The following RYR1 variants were observed in gnomAD, a reference collection of about 807,000 sequenced individuals.
The protein encoded by RYR1 is central core disease of muscle.
A neutral mutation model predicts 583.5 loss-of-function variants in RYR1; 342 were observed. The observed-to-expected ratio is 0.59, with a 90% confidence interval of 0.54 to 0.64. RYR1 has a LOEUF of 0.64. Ranked by LOEUF, RYR1 falls within the 30% of genes least tolerant of loss-of-function variation. The pLI, the probability that RYR1 is intolerant of heterozygous loss-of-function variation, is 0.00. For synonymous variants in RYR1, 2,791 were observed against 2,822.5 expected (o/e 0.99, Z 0.35); for missense variants, 6,032 against 6,917.2 (o/e 0.87, Z 4.54).
chr19:38,456,843 G>C (rs991742205), intron 16 of RYR1, among the ~76,000 whole-genome samples: 25 of 150,932 alleles, frequency 1.7e-4, no homozygotes, highest in Admixed American at 3.3e-4. Flanking sequence ...TCAGGAGATC[G>C]AGACCATCCT....
intron 58 of RYR1, 32 bp from the exon 59 acceptor site, chr19:38,510,466 C>T: frequency 6.2e-7 from 1 of 1,613,368 alleles, no homozygotes; most frequent in Non-Finnish European, 8.5e-7. Context: ...CAGCCTTGAA[C>T]CCACTGTGAA....
At chr19:38,437,137 G>A (rs1055446669) in intron 1 of RYR1, among the ~76,000 whole-genome samples, 1 of 151,030 alleles carries the variant, frequency 6.6e-6, no homozygotes, top group Non-Finnish European at 1.5e-5. Context: ...TGCAACCTCC[G>A]CCTCCTGGGT....
rs193922844 is a variant in RYR1 at position 38,548,287 on chromosome 19, C to A, written c.12149C>A (p.Ser4050Tyr). The change falls in exon 89 of 106, where the codon TCC becomes TAC. Residue 4050 changes from serine (S) to tyrosine (Y), a missense_variant. Ser to Tyr is a moderately radical substitution (Grantham distance 144). Coordinates refer to ENST00000359596, the MANE Select transcript of RYR1 (RefSeq NM_000540.3). ...ARQMVDMLVE[S>Y]SSNVEMILKF... is the part of the protein sequence containing the mutation. ...CAGATGGTGGACATGCTCGTGGAAT[C>A]CTCATCCAATGTGGAGATGATCCTC... is the stretch of plus-strand genomic sequence containing the variant. The A allele has an allele frequency of 5.0e-6, 8 of 1,614,206 alleles. No individual in the cohort carries two copies. Among genetic ancestry groups the A allele is most frequent in the Non-Finnish European group, 6.8e-6 (8 of 1,180,044 alleles).
intron 76 of RYR1, among the ~76,000 whole-genome samples, chr19:38,530,263 A>AT (rs921894289): frequency 1.3e-5 from 2 of 149,826 alleles, no homozygotes; most frequent in Admixed American, 6.7e-5. Flanking sequence ...CTACTTTTTT[A>AT]TTTTTTGAGA....
chr19:38,440,902 G>C (rs376787989), intron 2 of RYR1, 38 bp downstream of exon 2: 2 of 1,595,478 alleles, frequency 1.3e-6, no homozygotes, highest in Non-Finnish European at 1.7e-6. Flanking sequence ...GGACAGGGGC[G>C]TCTGAAGGGG....
intron 30 of RYR1, 127 bp from the exon 31 acceptor site, chr19:38,478,308 C>A: frequency 9.8e-7 from 1 of 1,022,494 alleles, no homozygotes; most frequent in Non-Finnish European, 1.5e-6. Context: ...GCTCTCAGGT[C>A]TGCAGGCGGT....
intron 92 of RYR1, 94 bp from the exon 93 acceptor site, chr19:38,567,679 C>T (rs988153810): frequency 1.9e-6 from 3 of 1,595,220 alleles, no homozygotes; most frequent in South Asian, 1.1e-5. Context: ...CTGGGCCAGG[C>T]ACAGGGCGGG....
intron 89 of RYR1, among the ~76,000 whole-genome samples, chr19:38,550,118 C>G (rs12461920): frequency 6.6e-6 from 1 of 152,074 alleles, no homozygotes; most frequent in East Asian, 1.9e-4. Context: ...ATTCTCCTAC[C>G]TAAGCACAGG....
rs187535772 is a variant in RYR1, at chr19:38,438,649, C to G, written c.46-2096C>G. On this transcript the variant is annotated intron_variant, in intron 1 of 105. Transcript: ENST00000359596. ...TTTTTTTTTTTTTGAGATGGAGTCT[C>G]GCTCTGTCACCCAGGCTCGAGTTCA... Among the ~76,000 whole-genome samples, 27 of 109,808 alleles carry G rather than the reference C, an allele frequency of 2.5e-4. 1 individual carries two copies. Among genetic ancestry groups the G allele is most frequent in the Middle Eastern group, 9.8e-3 (1 of 102 alleles). 72.0% of individuals were successfully genotyped at this position (109,808 alleles called of 152,430 possible). A position where few individuals can be genotyped will look rare whatever the true frequency, so the allele number is the denominator to read the frequency against.
At chr19:38,453,055 G>C (rs777131822) in intron 13 of RYR1, 41 bp downstream of exon 13, 4 of 1,601,484 alleles carry the variant, frequency 2.5e-6, no homozygotes, top group Non-Finnish European at 3.4e-6. Flanking sequence ...TGTGGGCCCA[G>C]GGGGCGGGAC....
Position 38,516,077 on chromosome 19 carries a change from C to T in RYR1, c.9555-10C>T, listed in dbSNP as rs774666035. The T allele has an allele frequency of 6.4e-5, 99 of 1,547,306 alleles. No individual in the cohort carries two copies. Among genetic ancestry groups the T allele is most frequent in the Non-Finnish European group, 7.8e-5 (89 of 1,145,446 alleles). ...GACACGTGGCAGCTAAACACAGCCC[C>T]GTCTTCCAGGCTTCGGCCAGCCCTC... is the stretch of plus-strand genomic sequence containing the variant. On this transcript the variant is annotated splice_polypyrimidine_tract_variant and intron_variant, in intron 64 of 105. Coordinates refer to ENST00000359596, the MANE Select transcript of RYR1 (RefSeq NM_000540.3).
At position 38,517,672 on chromosome 19, in the gene RYR1, C is replaced by A; in HGVS notation, c.9999C>A (p.Ser3333=). The stretch of plus-strand genomic sequence containing the variant: ...ACAACCTGGGCATTGACGAGGCCTC[C>A]TGGATGAAGCGGCTGGCTGGTGGGT... ...IVNNLGIDEA[S]WMKRLAVFAQ... is the part of the protein sequence containing the mutation. The change falls in exon 66 of 106, where the codon TCC becomes TCA. Residue 3333 remains serine (S), a synonymous_variant. Transcript: ENST00000359596. The A allele has an allele frequency of 6.2e-7, 1 of 1,614,170 alleles. No individual in the cohort carries two copies. The highest frequency in any genetic ancestry group is 8.5e-7 in the Non-Finnish European group (1 of 1,180,026).
intron 89 of RYR1, among the ~76,000 whole-genome samples, chr19:38,554,543 T>C (rs1378918731): frequency 6.6e-6 from 1 of 151,694 alleles, no homozygotes; most frequent in Admixed American, 6.6e-5. Context: ...CACATCTTCA[T>C]TGATGAAGTA....
intron 92 of RYR1, among the ~76,000 whole-genome samples, chr19:38,567,515 A>G (rs1355904087): frequency 2.6e-5 from 4 of 151,782 alleles, no homozygotes; most frequent in African/African-American, 9.7e-5. Flanking sequence ...CCAGATTCCC[A>G]CAACCCCCTG....
chr19:38,566,830 A>T, intron 91 of RYR1, 81 bp from the exon 92 acceptor site: 1 of 1,552,900 alleles, frequency 6.4e-7, no homozygotes, highest in Non-Finnish European at 8.7e-7. Flanking sequence ...AATAAGAGAG[A>T]AAGGAGATGA....
chr19:38,485,798 A>C lies in RYR1; in HGVS notation c.5143A>C (p.Ile1715Leu). The C allele has an allele frequency of 6.2e-7, 1 of 1,613,396 alleles. No individual in the cohort carries two copies. ...GCGCGCAGGCTACTATGACCTCCTC[A>C]TCAGCATCCACCTCGAAAGTGCCTG... ...PLRAGYYDLL[I>L]SIHLESACRS... Residue 1715 changes from isoleucine (I) to leucine (L), a missense_variant, in exon 34 of 106, where the codon ATC becomes CTC. This residue lies in a region of RYR1 where 2,627 missense variants were observed against 2,961.3 expected (regional missense o/e 0.89). Transcript: ENST00000359596.
chr19:38,469,942 C>T (rs1225749448), intron 27 of RYR1, among the ~76,000 whole-genome samples: 1 of 152,056 alleles, frequency 6.6e-6, no homozygotes, highest in Non-Finnish European at 1.5e-5. Flanking sequence ...GTGTAGTATG[C>T]ACATATAGCC....
At chr19:38,508,181 ATTTTATTTTAT>A (rs1970565330) in intron 58 of RYR1, among the ~76,000 whole-genome samples, 1 of 151,798 alleles carries the variant, frequency 6.6e-6, no homozygotes, top group Non-Finnish European at 1.5e-5. Flanking sequence ...ATTTTATTTC[ATTTTATTTTAT>A]TTTTATTTTT....
In RYR1 at chr19:38,455,203, T is replaced by C. The variant is rs113890189; in HGVS notation, c.1441-32T>C. ...CAAGGAAGGGAGGGCCTGGGTCTCC[T>C]ATTGTGATGCCTCTTATTTTCCTCA... On this transcript the variant is annotated intron_variant, in intron 13 of 105. Coordinates refer to ENST00000359596, the MANE Select transcript of RYR1 (RefSeq NM_000540.3). 2.6e-3 allele frequency: 4,222 copies of C among 1,613,248 alleles called. 104 individuals are homozygous for C. In the African/African-American group the frequency reaches 0.05, roughly 19 times the overall value.
Sources: allele counts gnomAD v4.1 joint callset (sites outside exome capture counted in the v4.1 genomes callset), GRCh38; gene constraint gnomAD v4.1.1; regional missense constraint gnomAD v4.1.1; transcripts MANE v1.5; gene names NCBI Gene and HGNC (gene_info 2026-07-23, HGNC 2026-07-21).